Variants in DPP6 observed in about 807,000 individuals in gnomAD.
DPP6 encodes the protein dipeptidyl peptidase like 6.
In DPP6, 69 loss-of-function variants were observed where a neutral mutation model predicts 122.6. The ratio of observed to expected loss-of-function variants is 0.56; its 90% confidence interval spans 0.46 to 0.69. DPP6 has a LOEUF of 0.69. DPP6 is among the 30% of genes least tolerant of loss of function. DPP6 has a pLI of 0.00. For synonymous variants in DPP6, 418 were observed against 433.1 expected (o/e 0.97, Z 0.43); for missense variants, 928 against 1,116.9 (o/e 0.83, Z 2.41).
At chr7:154,774,077 G>A (rs1796419708) in intron 10 of DPP6, among the ~76,000 whole-genome samples, 1 of 152,194 alleles carries the variant, frequency 6.6e-6, no homozygotes, top group Admixed American at 6.5e-5. Flanking sequence ...CAGTGCTCTA[G>A]GAAGCGTGAG....
At position 154,319,245 on chromosome 7, in the gene DPP6, T is replaced by A. The variant is rs553885559; in HGVS notation, c.244-126969T>A. ...TTTACTGTTAGGATTGAAATAAAAC[T>A]TTTTTTGTCTTCAAATTGTTTTGCT... On this transcript the variant is annotated intron_variant, in intron 1 of 25. Transcript: ENST00000377770. Among the ~76,000 whole-genome samples, 271 of 28,798 alleles carry A rather than the reference T, an allele frequency of 9.4e-3. 3 individuals carry two copies. Among genetic ancestry groups the A allele is most frequent in the African/African-American group, 0.021 (255 of 12,178 alleles). The allele number at this position is 28,798 out of a possible 152,430, so 18.9% of individuals were successfully genotyped here.
chr7:153,999,377 T>A (rs1797584191), intron 1 of DPP6, among the ~76,000 whole-genome samples: 1 of 152,244 alleles, frequency 6.6e-6, no homozygotes, highest in Non-Finnish European at 1.5e-5. Context: ...TGTTGACTAT[T>A]CTGTGAAACT....
the DPP6 span, among the ~76,000 whole-genome samples, chr7:153,801,905 C>T: frequency 2.0e-5 from 3 of 152,060 alleles, no homozygotes; most frequent in East Asian, 5.8e-4. Context: ...ATATCTAGCA[C>T]ATCACTTTGT....
At chr7:154,332,323 C>T (rs1189170530) in intron 1 of DPP6, among the ~76,000 whole-genome samples, 2 of 152,358 alleles carry the variant, frequency 1.3e-5, no homozygotes, top group South Asian at 4.1e-4. Flanking sequence ...CCACCCGCCT[C>T]AGCCTCCCAA....
chr7:153,876,167 T>A, the DPP6 span, among the ~76,000 whole-genome samples: 4 of 151,822 alleles, frequency 2.6e-5, no homozygotes, highest in Non-Finnish European at 5.9e-5. Flanking sequence ...ATTAACAGAA[T>A]TAAGGAGGAA....
rs1356826441 is a variant in DPP6, at chr7:154,296,314, G to T, written c.244-149900G>T. On this transcript the variant is annotated intron_variant, in intron 1 of 25. Coordinates refer to ENST00000377770, the MANE Select transcript of DPP6 (RefSeq NM_130797.4). ...TCTGTTCCACAAGGATGGACACCCA[G>T]GTTGCCTCCACACTATCCCCATAGT... Among the ~76,000 whole-genome samples the T allele has an allele frequency of 7.2e-5, 11 of 152,258 alleles. 1 individual carries two copies. Among genetic ancestry groups the T allele is most frequent in the Admixed American group, 6.5e-4 (10 of 15,294 alleles).
intron 1 of DPP6, among the ~76,000 whole-genome samples, chr7:153,918,579 TC>T (rs1800477710): frequency 1.3e-4 from 6 of 45,246 alleles, no homozygotes; most frequent in South Asian, 1.2e-3. Context: ...TCTCTCTCTC[TC>T]TCTCTCTCTC....
intron 16 of DPP6, among the ~76,000 whole-genome samples, chr7:154,819,719 G>GGGCCACTA (rs1223904431): frequency 6.6e-6 from 1 of 152,126 alleles, no homozygotes; most frequent in Non-Finnish European, 1.5e-5. Flanking sequence ...CAATGCCACT[G>GGGCCACTA]GGCCACTAGG....
intron 1 of DPP6, among the ~76,000 whole-genome samples, chr7:154,205,911 G>A (rs963948059): frequency 2.6e-5 from 4 of 152,202 alleles, no homozygotes; most frequent in African/African-American, 9.6e-5. Context: ...CTGCCTGTGT[G>A]TGCAGGAGCA....
At chr7:154,227,215 G>GACACACACACACAC (rs1554495537) in intron 1 of DPP6, among the ~76,000 whole-genome samples, 70 of 141,456 alleles carry the variant, frequency 4.9e-4, no homozygotes, top group South Asian at 1.9e-3. Flanking sequence ...GAAAATGAGG[G>GACACACACACACAC]ACACACACAC....
chr7:153,891,394 T>G (rs1193605088), intron 1 of DPP6, among the ~76,000 whole-genome samples: 1 of 152,176 alleles, frequency 6.6e-6, no homozygotes, highest in African/African-American at 2.4e-5. Flanking sequence ...ATTCACAGAC[T>G]AACCATGCCA....
the DPP6 span, among the ~76,000 whole-genome samples, chr7:153,864,615 C>G: frequency 6.6e-6 from 1 of 151,522 alleles, no homozygotes; most frequent in East Asian, 1.9e-4. Context: ...CAAGATTGCA[C>G]CACTACACTC....
intron 5 of DPP6, among the ~76,000 whole-genome samples, chr7:154,625,110 C>G (rs2130871408): frequency 6.6e-6 from 1 of 152,306 alleles, no homozygotes; most frequent in East Asian, 1.9e-4. Flanking sequence ...AGCAGGTAAT[C>G]ATCAGAGCAT....
At chr7:153,876,564 C>G in the DPP6 span, among the ~76,000 whole-genome samples, 1 of 151,746 alleles carries the variant, frequency 6.6e-6, no homozygotes, top group Non-Finnish European at 1.5e-5. Flanking sequence ...AACTCATTGG[C>G]CAAAAATAAA....
At chr7:154,286,558 A>C (rs553847393) in intron 1 of DPP6, among the ~76,000 whole-genome samples, 1 of 152,072 alleles carries the variant, frequency 6.6e-6, no homozygotes, top group Non-Finnish European at 1.5e-5. Context: ...TATTGAGAAG[A>C]CCTGAATTTT....
chr7:153,838,252 C>T, the DPP6 span, among the ~76,000 whole-genome samples: 1 of 152,042 alleles, frequency 6.6e-6, no homozygotes, highest in African/African-American at 2.4e-5. Flanking sequence ...ACTGTTGAGT[C>T]AAGGTTGCAA....
chr7:154,885,617 T>C lies in DPP6; in HGVS notation c.2134-16T>C. 1.3e-6 allele frequency: 2 copies of C among 1,557,112 alleles called. No homozygotes were observed. Among genetic ancestry groups the C allele is most frequent in the Non-Finnish European group, 1.7e-6 (2 of 1,150,258 alleles). On this transcript the variant is annotated splice_polypyrimidine_tract_variant and intron_variant, in intron 21 of 25. Transcript: ENST00000377770. Reference sequence around the variant, plus strand: ...TGCCAGGACTCCTAACTGTCTTCTCTCTGCGCTTTCTCCAGGATTACGGTG... The same window carrying C: ...TGCCAGGACTCCTAACTGTCTTCTCCCTGCGCTTTCTCCAGGATTACGGTG...
chr7:154,347,747 A>C (rs556226426), intron 1 of DPP6, among the ~76,000 whole-genome samples: 2 of 152,328 alleles, frequency 1.3e-5, no homozygotes, highest in Admixed American at 6.5e-5. Context: ...CTGTGATCCC[A>C]TTAGAGGAGC....
intron 1 of DPP6, among the ~76,000 whole-genome samples, chr7:154,154,671 A>G (rs1421327726): frequency 6.6e-6 from 1 of 152,248 alleles, no homozygotes; most frequent in African/African-American, 2.4e-5. Flanking sequence ...ACTGAAGTCT[A>G]AGGTGATGTG....
Sources: gnomAD v4.1 joint callset for allele counts (sites outside exome capture counted in the v4.1 genomes callset) on GRCh38, gnomAD v4.1.1 for gene constraint, MANE v1.5 for transcripts, NCBI Gene and HGNC (gene_info 2026-07-23, HGNC 2026-07-21) for gene names.